NCALD: variants seen among roughly 807,000 people sequenced by gnomAD.
NCALD encodes the protein neurocalcin-delta.
Under a neutral mutation model 18.6 loss-of-function variants are expected in NCALD, and 10 were observed. That is an observed-to-expected ratio of 0.54 (90% CI 0.33 to 0.91). The LOEUF (loss-of-function observed/expected upper bound fraction) is 0.91. Ranked by LOEUF, NCALD falls within the 40% of genes least tolerant of loss-of-function variation. The probability of loss-of-function intolerance (pLI) is 0.03; values close to 1 mark genes in which losing one functional copy is unlikely to be tolerated. For synonymous variants in NCALD, 88 were observed against 87.4 expected, an observed-to-expected ratio of 1.01 and a Z score of -0.04; for missense variants, 184 against 247.6, an observed-to-expected ratio of 0.74 and a Z score of 1.72.
chr8:101,997,467 A>G (rs1821279825), intron 2 of NCALD, among the ~76,000 whole-genome samples: 1 of 152,226 alleles, frequency 6.6e-6, no homozygotes, highest in Non-Finnish European at 1.5e-5. Flanking sequence ...TAAATAAGAC[A>G]AAAACATCAC....
At chr8:102,096,641 G>T (rs1294503400) in intron 1 of NCALD, among the ~76,000 whole-genome samples, 2 of 152,076 alleles carry the variant, frequency 1.3e-5, no homozygotes, top group African/African-American at 4.8e-5. Flanking sequence ...CTGGTTGATT[G>T]CTTTCTGCAA....
intron 2 of NCALD, among the ~76,000 whole-genome samples, chr8:101,954,878 C>T (rs891027409): frequency 2.6e-5 from 4 of 152,124 alleles, no homozygotes; most frequent in Non-Finnish European, 4.4e-5. Context: ...AGAGCTGGGA[C>T]GAGGAGTCTT....
intron 1 of NCALD, among the ~76,000 whole-genome samples, chr8:102,032,622 TA>T (rs59283854): frequency 0.032 from 3,324 of 104,964 alleles, 137 homozygotes; most frequent in African/African-American, 0.1. Context: ...GAAAAACTGC[TA>T]AAAAAAAAAA....
intron 1 of NCALD, chr8:101,789,007 A>G (rs1812347459): frequency 6.6e-6 from 1 of 152,170 alleles, no homozygotes; most frequent in Non-Finnish European, 1.5e-5. Context: ...ATTCTCTTGT[A>G]TTTCATACCG....
At chr8:101,966,283 A>G (rs1482331776) in intron 2 of NCALD, among the ~76,000 whole-genome samples, 1 of 152,128 alleles carries the variant, frequency 6.6e-6, no homozygotes, top group African/African-American at 2.4e-5. Flanking sequence ...AATGTGCTAA[A>G]TGGAATACTA....
intron 2 of NCALD, among the ~76,000 whole-genome samples, chr8:101,997,983 CA>C (rs1391823237): frequency 1.3e-5 from 2 of 152,120 alleles, no homozygotes; most frequent in African/African-American, 4.8e-5. Context: ...AGAAATAGCC[CA>C]TTAGGACAAT....
chr8:101,766,361 AACATAAAAAAT>A (rs1453067291), intron 1 of NCALD, among the ~76,000 whole-genome samples: 2 of 54,090 alleles, frequency 3.7e-5, no homozygotes, highest in African/African-American at 1.7e-4. Flanking sequence ...CAGACAGAAA[AACATAAAAAAT>A]ACATGAAAAA....
chr8:101,809,430 CT>C (rs1306928821), intron 4 of NCALD, among the ~76,000 whole-genome samples: 2 of 152,194 alleles, frequency 1.3e-5, no homozygotes, highest in Non-Finnish European at 1.5e-5. Flanking sequence ...CAAATCACCT[CT>C]TTATATTTAA....
intron 1 of NCALD, among the ~76,000 whole-genome samples, chr8:102,077,471 G>T (rs968007512): frequency 2.0e-5 from 3 of 152,094 alleles, no homozygotes; most frequent in African/African-American, 7.2e-5. Flanking sequence ...AGTTAAGAGG[G>T]AACTAATAAA....
intron 1 of NCALD, among the ~76,000 whole-genome samples, chr8:101,783,918 A>G (rs1434396731): frequency 6.6e-6 from 1 of 152,222 alleles, no homozygotes; most frequent in Non-Finnish European, 1.5e-5. Flanking sequence ...ACAAAAGTCT[A>G]TTTAATAATC....
intron 1 of NCALD, among the ~76,000 whole-genome samples, chr8:101,773,278 C>A (rs561061620): frequency 6.6e-6 from 1 of 152,190 alleles, no homozygotes; most frequent in African/African-American, 2.4e-5. Flanking sequence ...TCAGCTGCAC[C>A]CCTCCCTCAC....
At chr8:102,063,989 C>CTGGGAACTGCTCCA (rs1450458059) in intron 1 of NCALD, among the ~76,000 whole-genome samples, 1 of 152,178 alleles carries the variant, frequency 6.6e-6, no homozygotes, top group Non-Finnish European at 1.5e-5. Flanking sequence ...TCCCTCAATC[C>CTGGGAACTGCTCCA]TGGGAACTGC....
At chr8:102,075,632 T>C (rs1339299644) in intron 1 of NCALD, among the ~76,000 whole-genome samples, 2 of 152,166 alleles carry the variant, frequency 1.3e-5, no homozygotes, top group Non-Finnish European at 2.9e-5. Context: ...TTAAGAGACA[T>C]TGGCAAGATG....
chr8:101,974,416 T>C (rs916245917), intron 2 of NCALD, among the ~76,000 whole-genome samples: 12 of 152,096 alleles, frequency 7.9e-5, no homozygotes, highest in African/African-American at 2.9e-4. Flanking sequence ...CAAACCCCCT[T>C]CTATGTGGAA....
intron 1 of NCALD, among the ~76,000 whole-genome samples, chr8:102,040,371 G>A (rs1019804026): frequency 3.9e-5 from 6 of 152,040 alleles, no homozygotes; most frequent in Non-Finnish European, 7.4e-5. Flanking sequence ...CTACTTGGGA[G>A]GCTGAGGCAG....
intron 1 of NCALD, among the ~76,000 whole-genome samples, chr8:101,745,620 T>C (rs1810395955): frequency 6.6e-6 from 1 of 152,212 alleles, no homozygotes; most frequent in South Asian, 2.1e-4. Context: ...TGGGCCCTGC[T>C]TCCCTAAGTC....
At chr8:101,701,481 G>A (rs1815264070) in intron 2 of NCALD, among the ~76,000 whole-genome samples, 2 of 152,162 alleles carry the variant, frequency 1.3e-5, no homozygotes, top group African/African-American at 4.8e-5. Context: ...CTCTGCCCCA[G>A]CCAGGCTTGA....
chr8:101,775,515 T>G (rs903178375), intron 1 of NCALD, among the ~76,000 whole-genome samples: 1 of 152,182 alleles, frequency 6.6e-6, no homozygotes, highest in African/African-American at 2.4e-5. Flanking sequence ...GCCTTAGGAA[T>G]CTGCCTCTTT....
chr8:102,015,326 T>A (rs190152387), intron 2 of NCALD, among the ~76,000 whole-genome samples: 518 of 152,308 alleles, frequency 3.4e-3, no homozygotes, highest in Non-Finnish European at 5.5e-3. Context: ...GCAACATTCC[T>A]GCCATTGTAG....
Sources: allele counts gnomAD v4.1 joint callset (sites outside exome capture counted in the v4.1 genomes callset), GRCh38; gene constraint gnomAD v4.1.1; transcripts MANE v1.5; gene names NCBI Gene and HGNC (gene_info 2026-07-23, HGNC 2026-07-21).